The following HELZ variants were observed in gnomAD, a reference collection of about 807,000 sequenced individuals.
The protein encoded by HELZ is helicase with zinc finger, also known as ATP-dependent RNA helicase with zinc finger domain.
A neutral mutation model predicts 218.2 loss-of-function variants in HELZ; 23 were observed. The ratio of observed to expected loss-of-function variants is 0.11; its 90% CI spans 0.08 to 0.15. The LOEUF is 0.15. Ranked by LOEUF, HELZ falls within the 10% of genes least tolerant of loss-of-function variation. The pLI is 1.00. For synonymous variants in HELZ, 814 were observed against 829.4 expected (o/e 0.98, Z 0.32); for missense variants, 1,813 against 2,353.7 (o/e 0.77, Z 4.75).
chr17:67,190,481 T>C, intron 9 of HELZ, 126 bp from the exon 10 acceptor site: 2 of 686,164 alleles, frequency 2.9e-6, no homozygotes, highest in South Asian at 1.8e-5. Flanking sequence ...GCCATATTTA[T>C]CGTACTGTCT....
Position 67,167,485 on chromosome 17 carries a change from A to C in HELZ, c.1742T>G (p.Leu581Arg), listed in dbSNP as rs1350693424. Residue 581 changes from leucine to arginine, a missense_variant, in exon 14 of 33, where the codon CTT becomes CGT. Coordinates refer to ENST00000358691, the MANE Select transcript of HELZ (RefSeq NM_014877.4). ...TACCTGTGTGTCACAGTCAGGCCGAAGATTAAGTTCTTCACAGCATTCCCT... is the reference window on the plus strand; with the variant it reads ...TACCTGTGTGTCACAGTCAGGCCGACGATTAAGTTCTTCACAGCATTCCCT... ...LSRECCEELN[L>R]RPDCDTQVEL... 6.2e-7 allele frequency: 1 copy of C among 1,613,270 alleles called. No individual in the cohort carries two copies. The highest frequency in any genetic ancestry group is 1.7e-5 in the Admixed American group (1 of 59,950).
chr17:67,128,607 T>A (rs2037877425), intron 24 of HELZ, 44 bp downstream of exon 24: 1 of 1,551,298 alleles, frequency 6.4e-7, no homozygotes, highest in African/African-American at 1.4e-5. Context: ...TTCTGCGAAG[T>A]TTTCTCCCTT....
In HELZ at chr17:67,175,649, C is replaced by T. The variant is rs548878413; in HGVS notation, c.1430+3010G>A. On this transcript the variant is annotated intron_variant, in intron 13 of 32. Coordinates refer to ENST00000358691, the MANE Select transcript of HELZ (RefSeq NM_014877.4). ...TGTACCAATTCTGCACCACACTTCA[C>T]TAACATTTATAGGCCTGCCAAATTC... 3.3e-5 allele frequency among the ~76,000 whole-genome samples: 5 copies of T among 152,342 alleles called. No homozygotes were observed. In the East Asian group the frequency reaches 9.6e-4, roughly 29 times the overall value.
intron 27 of HELZ, among the ~76,000 whole-genome samples, chr17:67,117,771 G>A (rs1258291883): frequency 2.0e-5 from 3 of 151,720 alleles, no homozygotes; most frequent in Non-Finnish European, 4.4e-5. Context: ...GCCTGGTCTC[G>A]AACTCTTGAC....
At position 67,109,580 on chromosome 17, in the gene HELZ, A is replaced by G. The variant is rs754024062; in HGVS notation, c.4025T>C (p.Ile1342Thr). Residue 1342 changes from isoleucine to threonine, a missense_variant, in exon 29 of 33, where the codon ATA becomes ACA. Around this residue, in one of 4 missense-constraint regions of HELZ, gnomAD observed 938 missense variants for 1,027.5 expected, o/e 0.91. Coordinates refer to ENST00000358691, the MANE Select transcript of HELZ (RefSeq NM_014877.4). ...GTGGGGAGCAGGAAGGGGAAGATTT[A>G]TGTGTCTTGGGTTGAGATTATCTTT... Reference protein sequence around the residue: ...PRKDNLNPRHINLPLPAPHAQ... With the variant: ...PRKDNLNPRHTNLPLPAPHAQ... 1 of 1,614,168 alleles carries G rather than the reference A, an allele frequency of 6.2e-7. No homozygotes were observed. Among genetic ancestry groups the G allele is most frequent in the Non-Finnish European group, 8.5e-7 (1 of 1,180,032 alleles).
At position 67,217,446 on chromosome 17, in the gene HELZ, C is replaced by T. The variant is rs142772732; in HGVS notation, c.210+1149G>A. ...CTCCAATCTAGTCTCCTTGCATCAA[C>T]GCTTATCCCTTTACAGTTTATTCTC... On this transcript the variant is annotated intron_variant, in intron 4 of 32. Transcript: ENST00000358691. 5.8e-3 allele frequency among the ~76,000 whole-genome samples: 878 copies of T among 152,320 alleles called. 8 individuals are homozygous for T. The highest frequency in any genetic ancestry group is 0.011 in the Non-Finnish European group (726 of 68,024).
At chr17:67,141,879 A>C (rs2038337701) in intron 21 of HELZ, among the ~76,000 whole-genome samples, 2 of 152,072 alleles carry the variant, frequency 1.3e-5, no homozygotes, top group South Asian at 4.1e-4. Context: ...CCCTGCCTCT[A>C]CTAAAAATAT....
chr17:67,230,595 C>A (rs370884784), intron 3 of HELZ, among the ~76,000 whole-genome samples: 1,242 of 111,244 alleles, frequency 0.011, no homozygotes, highest in South Asian at 0.014. Context: ...GACTCCATCT[C>A]AAAAAAAAAA....
At chr17:67,233,300 C>T (rs554755025) in intron 3 of HELZ, among the ~76,000 whole-genome samples, 45 of 152,298 alleles carry the variant, frequency 3.0e-4, no homozygotes, top group Middle Eastern at 3.4e-3. Context: ...CTGCAGTGAG[C>T]TGAGATCGCA....
Position 67,132,218 on chromosome 17 carries a change from CTGTGTG to C in HELZ, c.3183-3369_3183-3364del, listed in dbSNP as rs57691319. On this transcript the variant is annotated intron_variant, in intron 23 of 32. Transcript: ENST00000358691. ...AAAATCACTTGGTGTCCTTAGGTCA[CTGTGTG>C]TGTGTGTGTGTGTGTGTGTGTGTAC... is the stretch of plus-strand genomic sequence containing the variant. 1.4e-4 allele frequency among the ~76,000 whole-genome samples: 20 copies of C among 147,972 alleles called. 1 individual carries two copies. The highest frequency in any genetic ancestry group is 6.5e-4 in the South Asian group (3 of 4,602).
At chr17:67,148,527 G>C in intron 20 of HELZ, 42 bp downstream of exon 20, 1 of 1,574,092 alleles carries the variant, frequency 6.4e-7, no homozygotes, top group Non-Finnish European at 8.6e-7. Context: ...CCTACTATCA[G>C]ACCAACGAAA....
intron 20 of HELZ, among the ~76,000 whole-genome samples, chr17:67,146,747 T>A (rs1332390099): frequency 6.6e-6 from 1 of 152,234 alleles, no homozygotes; most frequent in Non-Finnish European, 1.5e-5. Flanking sequence ...CAATTATATC[T>A]ATCCAATTGC....
chr17:67,108,550 T>G lies in HELZ; in HGVS notation c.4666A>C (p.Arg1556=), dbSNP rs11657929. 859,811 of 1,613,606 alleles carry G rather than the reference T, an allele frequency of 0.53. 238,292 individuals carry two copies. Among genetic ancestry groups the G allele is most frequent in the East Asian group, 0.86 (38,424 of 44,860 alleles). ...PPLGLHQPPV[R]ADWKLTSSAE... ...CTGCTGGTGAGCTTCCAGTCTGCCCTCACTGGCGGCTGATGTAATCCCAGG... is the reference window on the plus strand; with the variant it reads ...CTGCTGGTGAGCTTCCAGTCTGCCCGCACTGGCGGCTGATGTAATCCCAGG... Residue 1556 remains arginine, a synonymous_variant, in exon 30 of 33, where the codon AGG becomes CGG. Transcript: ENST00000358691. The surrounding 1 kb of genome is among the most constrained non-coding windows in gnomAD (Gnocchi z 4.1).
At chr17:67,216,453 T>G (rs189059029) in intron 4 of HELZ, among the ~76,000 whole-genome samples, 1 of 152,332 alleles carries the variant, frequency 6.6e-6, no homozygotes, top group East Asian at 1.9e-4. Context: ...GGTTCATTTC[T>G]ATACAGAAAT....
chr17:67,162,147 G>A (rs2039011072), intron 15 of HELZ, among the ~76,000 whole-genome samples: 1 of 152,118 alleles, frequency 6.6e-6, no homozygotes, highest in African/African-American at 2.4e-5. Context: ...CAGGCATGGT[G>A]GCTCATGCCT....
chr17:67,138,038 C>G lies in HELZ; in HGVS notation c.2846G>C (p.Ser949Thr), dbSNP rs927400764. 1.4e-5 allele frequency: 23 copies of G among 1,613,744 alleles called. No homozygotes were observed. Among genetic ancestry groups the G allele is most frequent in the Non-Finnish European group, 1.9e-5 (23 of 1,179,832 alleles). ...AGCATATGGAGTCACCACACCAATA[C>G]TGCCATCATCTAACTTCCCCCACGC... ...PVAWGKLDDG[S>T]IGVVTPYADQ... Residue 949 changes from serine to threonine, a missense_variant, in exon 22 of 33, where the codon AGT becomes ACT. By Grantham distance (58) the Ser-to-Thr change is moderately conservative. Transcript: ENST00000358691.
intron 21 of HELZ, 45 bp from the exon 22 acceptor site, chr17:67,138,159 G>T: frequency 7.1e-7 from 1 of 1,406,448 alleles, no homozygotes; most frequent in Admixed American, 2.2e-5. Flanking sequence ...TATCACCAAT[G>T]TTTGGAGAAA....
chr17:67,141,122 A>T lies in HELZ; in HGVS notation c.2770-3008T>A, dbSNP rs139007023. Among the ~76,000 whole-genome samples the T allele has an allele frequency of 5.7e-3, 866 of 152,336 alleles. 8 individuals are homozygous for T. Among genetic ancestry groups the T allele is most frequent in the Non-Finnish European group, 6.4e-3 (438 of 68,028 alleles). ...GCAAGTGATACCGGACAATAATTCA[A>T]ATCCACACAAACAAAGAATCTTGGT... is the stretch of plus-strand genomic sequence containing the variant. On this transcript the variant is annotated intron_variant, in intron 21 of 32. Coordinates refer to ENST00000358691, the MANE Select transcript of HELZ (RefSeq NM_014877.4).
chr17:67,100,200 T>C (rs1425295379), intron 31 of HELZ, among the ~76,000 whole-genome samples: 3 of 152,212 alleles, frequency 2.0e-5, no homozygotes, highest in Admixed American at 1.3e-4. Context: ...GACAACAGTA[T>C]GTTGAAATTA....
Sources: gnomAD v4.1 joint callset for allele counts (sites outside exome capture counted in the v4.1 genomes callset) on GRCh38, gnomAD v4.1.1 for gene constraint, gnomAD v4.1.1 regional missense constraint, Gnocchi (gnomAD v3.1) non-coding constraint, MANE v1.5 for transcripts, NCBI Gene and HGNC (gene_info 2026-07-23, HGNC 2026-07-21) for gene names.